The following PCDHAC1 variants were observed in gnomAD, a reference collection of about 807,000 sequenced individuals.
PCDHAC1 encodes protocadherin alpha subfamily C, 1.
Under a neutral mutation model 60.0 loss-of-function variants are expected in PCDHAC1, and 42 were observed. The observed-to-expected ratio is 0.70, with a 90% CI of 0.55 to 0.90. PCDHAC1 has a LOEUF of 0.90. PCDHAC1 is among the 40% of genes least tolerant of loss of function. The pLI is 0.00. For missense variants in PCDHAC1, 1,160 were observed against 1,222.3 expected (o/e 0.95, Z 0.76); for synonymous variants, 468 against 499.3 (o/e 0.94, Z 0.84).
intron 3 of PCDHAC1, among the ~76,000 whole-genome samples, chr5:140,994,778 G>A (rs1488910527): frequency 1.3e-5 from 2 of 152,152 alleles, no homozygotes; most frequent in Non-Finnish European, 2.9e-5. Flanking sequence ...TCCAGGCAAA[G>A]GAAACAATGC....
intron 3 of PCDHAC1, among the ~76,000 whole-genome samples, chr5:140,999,595 C>T (rs1232390404): frequency 1.3e-5 from 2 of 152,148 alleles, no homozygotes; most frequent in East Asian, 3.9e-4. Flanking sequence ...GCCTTCCCTA[C>T]ATCCTGGGGG....
At chr5:140,968,017 C>A in intron 1 of PCDHAC1, 1 of 1,614,216 alleles carries the variant, frequency 6.2e-7, no homozygotes, top group South Asian at 1.1e-5. Flanking sequence ...GCTTTGGAAA[C>A]TCCTATACAC....
chr5:141,003,574 A>G (rs559561339), intron 3 of PCDHAC1, among the ~76,000 whole-genome samples: 22 of 151,680 alleles, frequency 1.5e-4, no homozygotes, highest in Admixed American at 3.9e-4. Context: ...CAGACTCCCA[A>G]AGTGCTGGGA....
At chr5:140,973,753 G>A (rs935956688) in intron 1 of PCDHAC1, among the ~76,000 whole-genome samples, 1 of 152,244 alleles carries the variant, frequency 6.6e-6, no homozygotes, top group Non-Finnish European at 1.5e-5. Flanking sequence ...ACACTCTGCA[G>A]GGACACAGCC....
At chr5:140,965,109 C>T (rs940351305) in intron 1 of PCDHAC1, among the ~76,000 whole-genome samples, 3 of 152,168 alleles carry the variant, frequency 2.0e-5, no homozygotes, top group African/African-American at 7.2e-5. Context: ...GAAAATGACC[C>T]ATAGAGGAAG....
chr5:140,985,465 A>T (rs1195143465), intron 3 of PCDHAC1, among the ~76,000 whole-genome samples: 1 of 152,126 alleles, frequency 6.6e-6, no homozygotes, highest in Non-Finnish European at 1.5e-5. Flanking sequence ...TGCTCCAAAA[A>T]ATTTGGTTGT....
intron 3 of PCDHAC1, 66 bp from the exon 4 acceptor site, chr5:141,009,561 A>C: frequency 6.4e-7 from 1 of 1,571,278 alleles, no homozygotes; most frequent in Non-Finnish European, 8.6e-7. Context: ...CCTGTACTCT[A>C]CCAGCAGTGT....
chr5:140,968,221 T>C, intron 1 of PCDHAC1: 1 of 1,613,918 alleles, frequency 6.2e-7, no homozygotes, highest in Admixed American at 1.7e-5. Context: ...ATTTGCCAGG[T>C]GTGTTGCTCT....
chr5:140,961,007 T>C (rs2095583572), intron 1 of PCDHAC1, among the ~76,000 whole-genome samples: 1 of 152,230 alleles, frequency 6.6e-6, no homozygotes, highest in Non-Finnish European at 1.5e-5. Context: ...GCTGCTGGAC[T>C]GCATGGACAC....
chr5:140,929,470 T>G (rs1554207109), intron 1 of PCDHAC1, 145 bp downstream of exon 1: 3 of 1,296,742 alleles, frequency 2.3e-6, no homozygotes, highest in Admixed American at 2.9e-5. Context: ...CCAAGAAATC[T>G]GGAAGTATAG....
intron 1 of PCDHAC1, among the ~76,000 whole-genome samples, chr5:140,973,564 A>T (rs2096593487): frequency 6.6e-6 from 1 of 152,168 alleles, no homozygotes; most frequent in Admixed American, 6.5e-5. Context: ...CTCTTTCCTC[A>T]ATTTTTCTAC....
intron 3 of PCDHAC1, among the ~76,000 whole-genome samples, chr5:140,997,130 C>T (rs1480730795): frequency 6.6e-6 from 1 of 151,984 alleles, no homozygotes; most frequent in Non-Finnish European, 1.5e-5. Flanking sequence ...TACACAATGC[C>T]CCCACACCCC....
At chr5:141,005,953 A>G (rs1036085493) in intron 3 of PCDHAC1, among the ~76,000 whole-genome samples, 1 of 152,052 alleles carries the variant, frequency 6.6e-6, no homozygotes, top group Non-Finnish European at 1.5e-5. Context: ...TCTCTAACAA[A>G]CAACAATAAA....
In PCDHAC1 at chr5:140,928,706, A is replaced by T; in HGVS notation, c.1814A>T (p.Asp605Val). The change falls in exon 1 of 4, where the codon GAC becomes GTC. Residue 605 changes from aspartate (D) to valine (V), a missense_variant. Transcript: ENST00000253807. Reference protein sequence around the residue: ...WLSYHISRASDSSLFRISANI... With the variant: ...WLSYHISRASVSSLFRISANI... ...TCCTACCACATCTCCCGGGCGTCTG[A>T]CTCTAGTCTCTTTAGAATTTCAGCC... is the stretch of plus-strand genomic sequence containing the variant. The T allele has an allele frequency of 6.2e-7, 1 of 1,613,858 alleles. No homozygotes were observed. The highest frequency in any genetic ancestry group is 8.5e-7 in the Non-Finnish European group (1 of 1,179,992).
intron 3 of PCDHAC1, among the ~76,000 whole-genome samples, chr5:140,987,698 A>T (rs1213489735): frequency 6.6e-6 from 1 of 152,142 alleles, no homozygotes; most frequent in African/African-American, 2.4e-5. Flanking sequence ...TTTTTAAATG[A>T]TTTTTCCAGG....
chr5:140,993,546 G>A (rs1013720873), intron 3 of PCDHAC1, among the ~76,000 whole-genome samples: 4 of 151,434 alleles, frequency 2.6e-5, no homozygotes, highest in Non-Finnish European at 5.9e-5. Context: ...AGATAGAGAA[G>A]TGAAGTATAT....
chr5:141,000,419 A>ATTTTT (rs1563652468), intron 3 of PCDHAC1, among the ~76,000 whole-genome samples: 15 of 60,994 alleles, frequency 2.5e-4, no homozygotes, highest in East Asian at 5.4e-4. Flanking sequence ...ATATATATAT[A>ATTTTT]TATTTTTTTT....
At chr5:140,958,888 A>G (rs1563299951) in intron 1 of PCDHAC1, among the ~76,000 whole-genome samples, 3 of 152,040 alleles carry the variant, frequency 2.0e-5, no homozygotes, top group African/African-American at 7.2e-5. Flanking sequence ...ACCAGTAGCT[A>G]TATAATAGAT....
At chr5:141,005,199 C>T (rs2098200928) in intron 3 of PCDHAC1, among the ~76,000 whole-genome samples, 1 of 152,208 alleles carries the variant, frequency 6.6e-6, no homozygotes, top group African/African-American at 2.4e-5. Flanking sequence ...TCCTTTCATT[C>T]ATTCATCCAG....
Sources: gnomAD v4.1 joint callset for allele counts (sites outside exome capture counted in the v4.1 genomes callset) on GRCh38, gnomAD v4.1.1 for gene constraint, MANE v1.5 for transcripts, NCBI Gene and HGNC (gene_info 2026-07-23, HGNC 2026-07-21) for gene names.